Variants in SEPTIN11 observed in about 807,000 individuals in gnomAD.
The protein encoded by SEPTIN11 is septin 11.
In SEPTIN11, 25 loss-of-function variants were observed where a neutral mutation model predicts 51.4. The observed-to-expected ratio is 0.49, with a 90% CI of 0.35 to 0.68. The LOEUF is 0.68. Among genes scored for constraint, SEPTIN11 ranks in the 30% least tolerant of loss-of-function variants. The pLI, the probability that SEPTIN11 is intolerant of heterozygous loss-of-function variation, is 0.00. For missense variants in SEPTIN11, 381 were observed against 520.8 expected, an observed-to-expected ratio of 0.73 and a Z score of 2.61; for synonymous variants, 174 against 184.1, an observed-to-expected ratio of 0.95 and a Z score of 0.44.
rs1727149505 is a variant in SEPTIN11 at position 77,038,007 on chromosome 4, G to A, written c.*3495G>A. The A allele has an allele frequency of 1.0e-6, 1 of 985,654 alleles. No individual in the cohort carries two copies. The highest frequency in any genetic ancestry group is 1.7e-5 in the African/African-American group (1 of 57,212). The allele number at this position is 985,654 out of a possible 1,614,324, so 61.1% of individuals were successfully genotyped here. On this transcript the variant is annotated 3_prime_UTR_variant, in exon 10 of 10. Transcript: ENST00000264893. Reference sequence around the variant, plus strand: ...GTTTCACATACAAACTATTGGGTGAGGTTTTTCAGCTGTTACCGACCCACG... The same window carrying A: ...GTTTCACATACAAACTATTGGGTGAAGTTTTTCAGCTGTTACCGACCCACG...
rs151023471 is a variant in SEPTIN11 at position 77,002,988 on chromosome 4, C to T, written c.143-2613C>T. Among the ~76,000 whole-genome samples, 35 of 152,304 alleles carry T rather than the reference C, an allele frequency of 2.3e-4. No homozygotes were observed. The East Asian group carries it at 6.4e-3, about 28-fold the overall frequency. On this transcript the variant is annotated intron_variant, in intron 2 of 9. Transcript: ENST00000264893. ...TTCATGATGGATTTCCGATGCTCTA[C>T]CCCATCTATCTGCTCTTTCCTGTAT...
chr4:76,971,978 C>T (rs1004343900), intron 1 of SEPTIN11, among the ~76,000 whole-genome samples: 1 of 152,138 alleles, frequency 6.6e-6, no homozygotes, highest in Non-Finnish European at 1.5e-5. Context: ...TAAAGATGGC[C>T]GGTGGATCCA....
At chr4:76,981,307 G>A (rs1423231503) in intron 1 of SEPTIN11, among the ~76,000 whole-genome samples, 3 of 152,182 alleles carry the variant, frequency 2.0e-5, no homozygotes, top group Admixed American at 2.0e-4. Flanking sequence ...ACAATGGAGG[G>A]GGTGGAGAGG....
rs1417923855 is a variant in SEPTIN11, at chr4:77,019,175, C to T, written c.698C>T (p.Pro233Leu). The T allele has an allele frequency of 6.2e-7, 1 of 1,613,092 alleles. No homozygotes were observed. The highest frequency in any genetic ancestry group is 8.5e-7 in the Non-Finnish European group (1 of 1,179,662). Residue 233 changes from proline (P) to leucine (L), a missense_variant, in exon 6 of 10, where the codon CCA becomes CTA. Around this residue, in one of 2 missense-constraint regions of SEPTIN11, gnomAD observed 197 missense variants for 313.1 expected, o/e 0.63. Transcript: ENST00000264893. Reference sequence around the variant, plus strand: ...CCTTTTGCTTGGCAGGTCCATCTCCCATTTGCAGTGGTTGGCAGCACCGAA... The same window carrying T: ...CCTTTTGCTTGGCAGGTCCATCTCCTATTTGCAGTGGTTGGCAGCACCGAA... ...EINATMSVHL[P>L]FAVVGSTEEV... is the part of the protein sequence containing the mutation.
chr4:76,959,613 G>A (rs1721735886), intron 1 of SEPTIN11, among the ~76,000 whole-genome samples: 1 of 151,858 alleles, frequency 6.6e-6, no homozygotes, highest in South Asian at 2.1e-4. Flanking sequence ...TTATATTCTA[G>A]GATCTAGATC....
chr4:76,950,696 T>C (rs1480124831), intron 1 of SEPTIN11, among the ~76,000 whole-genome samples: 2 of 151,522 alleles, frequency 1.3e-5, no homozygotes, highest in African/African-American at 4.9e-5. Flanking sequence ...TTGCCCCGAG[T>C]GTGTGGGCCA....
In SEPTIN11 at chr4:77,035,572, C is replaced by T. The variant is rs533083902; in HGVS notation, c.*1060C>T. ...AAATAGGAAGGACCACAACATGACC[C>T]GTAAGTCAAGAAGGTAGACATTTCA... On this transcript the variant is annotated 3_prime_UTR_variant, in exon 10 of 10. Transcript: ENST00000264893. 3.0e-5 allele frequency: 30 copies of T among 985,404 alleles called. No homozygotes were observed. The African/African-American group carries it at 4.5e-4, about 15-fold the overall frequency. 61.0% of individuals were successfully genotyped at this position (985,404 alleles called of 1,614,324 possible). A position where few individuals can be genotyped will look rare whatever the true frequency, so the allele number is the denominator to read the frequency against.
intron 9 of SEPTIN11, 71 bp from the exon 10 acceptor site, chr4:77,034,426 C>G: frequency 1.1e-5 from 14 of 1,299,498 alleles, no homozygotes; most frequent in African/African-American, 3.1e-5. Flanking sequence ...CTGGTGCTGT[C>G]GCTCCTAATT....
intron 7 of SEPTIN11, among the ~76,000 whole-genome samples, chr4:77,027,011 C>T (rs955323219): frequency 2.0e-5 from 3 of 152,156 alleles, no homozygotes; most frequent in African/African-American, 7.2e-5. Flanking sequence ...GCGAAATGTA[C>T]CTCTGGAAAC....
At chr4:77,039,760 G>C, downstream of SEPTIN11, 1 of 977,922 alleles carries the variant, frequency 1.0e-6, no homozygotes, top group South Asian at 4.7e-5. Flanking sequence ...TCTGCCTCTT[G>C]AGAGAGAGAG....
chr4:76,987,788 C>T (rs1723121793), intron 1 of SEPTIN11: 1 of 950,608 alleles, frequency 1.1e-6, no homozygotes, highest in Non-Finnish European at 1.3e-6. Flanking sequence ...ACAGCATGTT[C>T]TTTTCTTTAC....
intron 3 of SEPTIN11, among the ~76,000 whole-genome samples, chr4:77,007,989 T>C (rs1401811964): frequency 2.0e-5 from 3 of 152,346 alleles, no homozygotes; most frequent in African/African-American, 7.2e-5. Context: ...TTTTCTGCCA[T>C]AGATGCAAGA....
At position 77,024,934 on chromosome 4, in the gene SEPTIN11, T is replaced by C; in HGVS notation, c.954-3695T>C. 6.6e-6 allele frequency among the ~76,000 whole-genome samples: 1 copy of C among 152,182 alleles called. No individual in the cohort carries two copies. The highest frequency in any genetic ancestry group is 1.9e-4 in the East Asian group (1 of 5,196). The stretch of plus-strand genomic sequence containing the variant: ...GTGTATTGCTCCACTCCACAAAAGC[T>C]GGTGGAGATGATCATACTCTGGCCT... On this transcript the variant is annotated intron_variant, in intron 7 of 9. Coordinates refer to ENST00000264893, the MANE Select transcript of SEPTIN11 (RefSeq NM_018243.4). The surrounding 1 kb of genome is among the most constrained non-coding windows in gnomAD (Gnocchi z 4.2).
intron 1 of SEPTIN11, among the ~76,000 whole-genome samples, chr4:76,977,024 C>A (rs556651202): frequency 1.3e-5 from 2 of 151,990 alleles, no homozygotes; most frequent in African/African-American, 4.8e-5. Flanking sequence ...CCCAGCTACA[C>A]AATATAACAT....
At position 76,972,164 on chromosome 4, in the gene SEPTIN11, A is replaced by T. The variant is rs1408978525; in HGVS notation, c.27+22234A>T. Among the ~76,000 whole-genome samples the T allele has an allele frequency of 4.6e-5, 7 of 152,118 alleles. No homozygotes were observed. The East Asian group carries it at 1.3e-3, about 29-fold the overall frequency. The stretch of plus-strand genomic sequence containing the variant: ...TACTGCCCTGCCAATTGGGCTATTT[A>T]TCTTGTTGAGGTTCATCCTTTATTG... On this transcript the variant is annotated intron_variant, in intron 1 of 9. Coordinates refer to ENST00000264893, the MANE Select transcript of SEPTIN11 (RefSeq NM_018243.4).
chr4:77,034,713 TCTGTGCAGCTGGACTCTGTTTCC>T lies in SEPTIN11; in HGVS notation c.*202_*224del. 7.7e-7 allele frequency: 1 copy of T among 1,298,034 alleles called. No individual in the cohort carries two copies. 80.4% of individuals were successfully genotyped at this position (1,298,034 alleles called of 1,614,324 possible). A position where few individuals can be genotyped will look rare whatever the true frequency, so the allele number is the denominator to read the frequency against. On this transcript the variant is annotated 3_prime_UTR_variant, in exon 10 of 10. Coordinates refer to ENST00000264893, the MANE Select transcript of SEPTIN11 (RefSeq NM_018243.4). ...AGAACAAGGGAATAACCGCGAATGC[TCTGTGCAGCTGGACTCTGTTTCC>T]GGAAAGTAAATGATTTGCTTTTTAT...
chr4:77,028,465 C>G (rs2109982045), intron 7 of SEPTIN11, among the ~76,000 whole-genome samples, 164 bp from the exon 8 acceptor site: 2 of 152,324 alleles, frequency 1.3e-5, no homozygotes, highest in Middle Eastern at 6.8e-3. Flanking sequence ...TCTTTCCAAC[C>G]ACAGCATAAC....
intron 1 of SEPTIN11, among the ~76,000 whole-genome samples, chr4:76,953,870 A>G (rs545068977): frequency 5.6e-4 from 86 of 152,344 alleles, no homozygotes; most frequent in Admixed American, 1.5e-3. Context: ...GATTAAAAGA[A>G]CAAAACTGCC....
intron 8 of SEPTIN11, among the ~76,000 whole-genome samples, chr4:77,029,767 T>TATATACACAC (rs1402215569): frequency 1.1e-4 from 16 of 150,910 alleles, no homozygotes; most frequent in African/African-American, 3.9e-4. Context: ...TATATATATA[T>TATATACACAC]ACACACACAC....
Sources: gnomAD v4.1 joint callset for allele counts (sites outside exome capture counted in the v4.1 genomes callset) on GRCh38, gnomAD v4.1.1 for gene constraint, gnomAD v4.1.1 regional missense constraint, Gnocchi (gnomAD v3.1) non-coding constraint, MANE v1.5 for transcripts, NCBI Gene and HGNC (gene_info 2026-07-23, HGNC 2026-07-21) for gene names.